The following BIN1 variants were observed in gnomAD, a reference collection of about 807,000 sequenced individuals.
The protein encoded by BIN1 is myc box-dependent-interacting protein 1.
A neutral mutation model predicts 82.0 loss-of-function variants in BIN1; 53 were observed. That is an observed-to-expected ratio of 0.65 (90% CI 0.52 to 0.81). The LOEUF (loss-of-function observed/expected upper bound fraction) is 0.81. Ranked by LOEUF, BIN1 falls within the 40% of genes least tolerant of loss-of-function variation. The pLI, the probability that BIN1 is intolerant of heterozygous loss-of-function variation, is 0.00. For synonymous variants in BIN1, 302 were observed against 328.0 expected (o/e 0.92, Z 0.86); for missense variants, 642 against 784.4 (o/e 0.82, Z 2.17).
intron 1 of BIN1, among the ~76,000 whole-genome samples, chr2:127,091,061 T>C (rs369283910): frequency 6.6e-6 from 1 of 152,196 alleles, no homozygotes; most frequent in East Asian, 1.9e-4. Flanking sequence ...TCCATGACAC[T>C]GGAACTAGTA....
Position 127,059,222 on chromosome 2 carries a change from ATGTATTGACGTC to A in BIN1, c.858-79_858-68del, listed in dbSNP as rs1684118106. 1 of 1,500,202 alleles carries A rather than the reference ATGTATTGACGTC, an allele frequency of 6.7e-7. No homozygotes were observed. The highest frequency in any genetic ancestry group is 2.0e-5 in the Admixed American group (1 of 50,120). 92.9% of individuals were successfully genotyped at this position (1,500,202 alleles called of 1,614,324 possible). On this transcript the variant is annotated intron_variant, in intron 10 of 18. Transcript: ENST00000316724. The surrounding 1 kb of genome is among the most constrained non-coding windows in gnomAD (Gnocchi z 6.7). ...CAAGGCACAGGAGACGGAGGGGCAAATGTATTGACGTCTGTGTGAAGAGGTGTGTGCATATGG... is the reference window on the plus strand; with the variant it reads ...CAAGGCACAGGAGACGGAGGGGCAAATGTGTGAAGAGGTGTGTGCATATGG...
rs901773426 is a variant in BIN1 at position 127,048,238 on chromosome 2, C to A, written c.*288G>T. ...GCATGGTGGCTCGGCAGCCCCCAGCCCCGCCCTGCGGCCAGGCACACATGC... is the reference window on the plus strand; with the variant it reads ...GCATGGTGGCTCGGCAGCCCCCAGCACCGCCCTGCGGCCAGGCACACATGC... On this transcript the variant is annotated 3_prime_UTR_variant, in exon 19 of 19. Coordinates refer to ENST00000316724, the MANE Select transcript of BIN1 (RefSeq NM_139343.3). 1 of 442,344 alleles carries A rather than the reference C, an allele frequency of 2.3e-6. No individual in the cohort carries two copies. The highest frequency in any genetic ancestry group is 4.2e-6 in the Non-Finnish European group (1 of 237,956). The allele number at this position is 442,344 out of a possible 1,614,324, so 27.4% of individuals were successfully genotyped here. A position where few individuals can be genotyped will look rare whatever the true frequency, so the allele number is the denominator to read the frequency against.
rs1683768392 is a variant in BIN1 at position 127,057,019 on chromosome 2, G to A, written c.1131+454C>T. Among the ~76,000 whole-genome samples, 1 of 152,236 alleles carries A rather than the reference G, an allele frequency of 6.6e-6. No individual in the cohort carries two copies. The highest frequency in any genetic ancestry group is 2.1e-4 in the South Asian group (1 of 4,836). On this transcript the variant is annotated intron_variant, in intron 12 of 18. Coordinates refer to ENST00000316724, the MANE Select transcript of BIN1 (RefSeq NM_139343.3). This position sits in a 1 kb window ranked among gnomAD's most constrained non-coding sequence, Gnocchi z 5.0. ...CCTCTTAGGGAGTGTGCACACGGCA[G>A]TTCTGCCCTGCAGCCTGGCCGCTGC... is the stretch of plus-strand genomic sequence containing the variant.
Position 127,070,015 on chromosome 2 carries a change from C to T in BIN1, c.391G>A (p.Gly131Ser). ...QALLTMDTYL[G>S]QFPDIKSRIA... is the part of the protein sequence containing the mutation. ...CTCACCTTGATGTCGGGGAACTGGC[C>T]CAGGTACGTGTCCATGGTCAGCAGC... Residue 131 changes from glycine (G) to serine (S), a missense_variant, in exon 5 of 19, where the codon GGC (glycine) becomes AGC (serine). Gly to Ser is a moderately conservative substitution (Grantham distance 56). Coordinates refer to ENST00000316724, the MANE Select transcript of BIN1 (RefSeq NM_139343.3). 6.2e-7 allele frequency: 1 copy of T among 1,614,144 alleles called. No individual in the cohort carries two copies. Among genetic ancestry groups the T allele is most frequent in the Non-Finnish European group, 8.5e-7 (1 of 1,180,006 alleles).
At chr2:127,081,077 C>A (rs1687235216) in intron 1 of BIN1, among the ~76,000 whole-genome samples, 1 of 152,186 alleles carries the variant, frequency 6.6e-6, no homozygotes, top group South Asian at 2.1e-4. Context: ...CCTGTGGGTA[C>A]AGGGAGTCCT....
intron 13 of BIN1, 31 bp downstream of exon 13, chr2:127,053,874 G>A (rs1397130446): frequency 2.1e-5 from 32 of 1,544,320 alleles, no homozygotes; most frequent in Non-Finnish European, 2.4e-5. Flanking sequence ...GGAAGCTGGT[G>A]GGCCCATGGG....
chr2:127,061,794 C>T (rs953449222), intron 10 of BIN1, among the ~76,000 whole-genome samples: 4 of 152,114 alleles, frequency 2.6e-5, no homozygotes, highest in African/African-American at 7.2e-5. Context: ...TCACACCCCC[C>T]AGTCCCCAAA....
At chr2:127,054,086 T>G in intron 12 of BIN1, 74 bp from the exon 13 acceptor site, 1 of 1,293,318 alleles carries the variant, frequency 7.7e-7, no homozygotes, top group Non-Finnish European at 1.1e-6. Flanking sequence ...AGGCAGACAC[T>G]GCAGGCACAG....
chr2:127,055,086 G>A (rs1238111031), intron 12 of BIN1: 1 of 152,288 alleles, frequency 6.6e-6, no homozygotes, highest in African/African-American at 2.4e-5. Flanking sequence ...CCCTCAGGCA[G>A]TGCTGGAAGA....
In BIN1 at chr2:127,082,238, G is replaced by A. The variant is rs769494402; in HGVS notation, c.85-5532C>T. The stretch of plus-strand genomic sequence containing the variant: ...CTTTCCTTGCCCCTCCTCCTCCGTC[G>A]TCTCCCACACACAGCTCGGGTCAGC... On this transcript the variant is annotated intron_variant, in intron 1 of 18. Transcript: ENST00000316724. This position sits in a 1 kb window ranked among gnomAD's most constrained non-coding sequence, Gnocchi z 6.1. 1.1e-4 allele frequency among the ~76,000 whole-genome samples: 16 copies of A among 151,718 alleles called. No individual in the cohort carries two copies. The highest frequency in any genetic ancestry group is 3.9e-4 in the East Asian group (2 of 5,114).
chr2:127,070,762 C>T lies in BIN1; in HGVS notation c.220G>A (p.Ala74Thr). The stretch of plus-strand genomic sequence containing the variant: ...CAGGTGCGCTCTGCCTGCCTCCTAC[C>T]TTTGACGGAGGCCAGGTAGGTCCGG... ...DLRTYLASVK[A>T]MHEASKKLNE... Residue 74 changes from alanine to threonine, a missense_variant and splice_region_variant, in exon 3 of 19, where the codon GCC (alanine) becomes ACC (threonine). Transcript: ENST00000316724. The T allele has an allele frequency of 6.2e-7, 1 of 1,613,828 alleles. No individual in the cohort carries two copies. Among genetic ancestry groups the T allele is most frequent in the Non-Finnish European group, 8.5e-7 (1 of 1,180,000 alleles).
intron 1 of BIN1, among the ~76,000 whole-genome samples, chr2:127,105,866 C>G (rs921379906): frequency 2.0e-5 from 3 of 152,246 alleles, no homozygotes; most frequent in South Asian, 4.1e-4. Context: ...GGCAGAAACA[C>G]AGATTCTGCA....
rs755610145 is a variant in BIN1 at position 127,090,147 on chromosome 2, C to T, written c.85-13441G>A. Among the ~76,000 whole-genome samples the T allele has an allele frequency of 3.3e-5, 5 of 152,182 alleles. No homozygotes were observed. Among genetic ancestry groups the T allele is most frequent in the Non-Finnish European group, 7.4e-5 (5 of 68,024 alleles). On this transcript the variant is annotated intron_variant, in intron 1 of 18. Coordinates refer to ENST00000316724, the MANE Select transcript of BIN1 (RefSeq NM_139343.3). The surrounding 1 kb of genome is among the most constrained non-coding windows in gnomAD (Gnocchi z 6.4). ...CAAGCTCCCCTCTGCAGCCTCCTTG[C>T]CTGCAGCTCTGCAAGGACCCTGCAA...
At chr2:127,077,309 G>GCA (rs1686737856) in intron 1 of BIN1, among the ~76,000 whole-genome samples, 1 of 146,574 alleles carries the variant, frequency 6.8e-6, no homozygotes, top group Admixed American at 6.7e-5. Context: ...ACTCTGCTCT[G>GCA]CACAGCCCAC....
intron 1 of BIN1, among the ~76,000 whole-genome samples, chr2:127,084,329 G>A (rs1388970426): frequency 6.6e-6 from 1 of 152,246 alleles, no homozygotes; most frequent in African/African-American, 2.4e-5. Flanking sequence ...GCCTTTGCGA[G>A]GAGGGTGGTG....
chr2:127,053,254 C>T lies in BIN1; in HGVS notation c.1263+168G>A, dbSNP rs1683191570. The T allele has an allele frequency of 9.8e-6, 9 of 922,322 alleles. No homozygotes were observed. In the South Asian group the frequency reaches 1.0e-4, roughly 10 times the overall value. 57.1% of individuals were successfully genotyped at this position (922,322 alleles called of 1,614,324 possible). On this transcript the variant is annotated intron_variant, in intron 14 of 18. Transcript: ENST00000316724. ...GGAGAAGCAGCAGAATGGCTGGAGG[C>T]GGGTGGCTTCACCAGCTCCCTGTGC...
At chr2:127,051,117 G>C (rs767857710) in intron 16 of BIN1, 37 bp downstream of exon 16, 5 of 1,610,440 alleles carry the variant, frequency 3.1e-6, no homozygotes, top group Non-Finnish European at 2.5e-6. Context: ...GCGGGCGGCA[G>C]GGAGGAAAAG....
chr2:127,095,305 G>C (rs1458788469), intron 1 of BIN1, among the ~76,000 whole-genome samples: 5 of 152,178 alleles, frequency 3.3e-5, no homozygotes, highest in Non-Finnish European at 7.3e-5. Context: ...AGCACAGTCA[G>C]GCCAGCTTCA....
chr2:127,054,100 C>T (rs757465428), intron 12 of BIN1, 88 bp from the exon 13 acceptor site: 47 of 1,037,630 alleles, frequency 4.5e-5, no homozygotes, highest in Non-Finnish European at 6.6e-5. Flanking sequence ...GGCACAGGCA[C>T]ACGCGTGGAC....
Sources: allele counts gnomAD v4.1 joint callset (sites outside exome capture counted in the v4.1 genomes callset), GRCh38; gene constraint gnomAD v4.1.1; non-coding constraint Gnocchi (gnomAD v3.1); transcripts MANE v1.5; gene names NCBI Gene and HGNC (gene_info 2026-07-23, HGNC 2026-07-21).